LRP1: variants seen among roughly 807,000 people sequenced by gnomAD.
LRP1 encodes prolow-density lipoprotein receptor-related protein 1.
A neutral mutation model predicts 541.5 loss-of-function variants in LRP1; 51 were observed. The ratio of observed to expected loss-of-function variants is 0.09; its 90% CI spans 0.08 to 0.12. The LOEUF (loss-of-function observed/expected upper bound fraction) is 0.12. LRP1 is among the 10% of genes least tolerant of loss of function. LRP1 has a pLI of 1.00. For synonymous variants in LRP1, 2,219 were observed against 2,470.8 expected (o/e 0.90, Z 3.02); for missense variants, 3,878 against 6,376.2 (o/e 0.61, Z 13.34).
intron 20 of LRP1, among the ~76,000 whole-genome samples, chr12:57,170,166 G>A (rs1247236589): frequency 6.6e-6 from 1 of 152,146 alleles, no homozygotes; most frequent in African/African-American, 2.4e-5. Flanking sequence ...CCTCCCTGTG[G>A]GCATGTCTGT....
Position 57,211,072 on chromosome 12 carries a change from C to T in LRP1, c.12917-104C>T. The T allele has an allele frequency of 7.1e-7, 1 of 1,413,162 alleles. No individual in the cohort carries two copies. Among genetic ancestry groups the T allele is most frequent in the Non-Finnish European group, 9.7e-7 (1 of 1,027,550 alleles). 87.5% of individuals were successfully genotyped at this position (1,413,162 alleles called of 1,614,324 possible). A position where few individuals can be genotyped will look rare whatever the true frequency, so the allele number is the denominator to read the frequency against. On this transcript the variant is annotated intron_variant, in intron 83 of 88. Transcript: ENST00000243077. This position sits in a 1 kb window ranked among gnomAD's most constrained non-coding sequence, Gnocchi z 4.3. ...CTGGCACACTTCCCCTGAGGCAGTG[C>T]ACCCCCTGCACCAAGATTATGCAAA... is the stretch of plus-strand genomic sequence containing the variant.
chr12:57,196,825 A>G (rs1364012911), intron 55 of LRP1, among the ~76,000 whole-genome samples, 157 bp from the exon 56 acceptor site: 1 of 152,170 alleles, frequency 6.6e-6, no homozygotes, highest in Non-Finnish European at 1.5e-5. Flanking sequence ...ACACAGAAGG[A>G]GGCCTGCACT....
Position 57,187,349 on chromosome 12 carries a change from G to A in LRP1, c.6924G>A (p.Thr2308=), listed in dbSNP as rs202109092. 3.2e-5 allele frequency: 51 copies of A among 1,614,158 alleles called. No individual in the cohort carries two copies. Among genetic ancestry groups the A allele is most frequent in the Middle Eastern group, 1.6e-4 (1 of 6,062 alleles). Residue 2308 remains threonine (T), a synonymous_variant, in exon 42 of 89, where the codon ACG becomes ACA. Coordinates refer to ENST00000243077, the MANE Select transcript of LRP1 (RefSeq NM_002332.3). Reference sequence around the variant, plus strand: ...CAAGCTACACGACATCCACCATCACGCGCCACACAGTGGACCAGACCCGCC... The same window carrying A: ...CAAGCTACACGACATCCACCATCACACGCCACACAGTGGACCAGACCCGCC... ...YWTSYTTSTI[T]RHTVDQTRPG... is the part of the protein sequence containing the mutation.
chr12:57,176,236 G>T (rs190890678), intron 24 of LRP1, 130 bp downstream of exon 24: 12 of 849,172 alleles, frequency 1.4e-5, no homozygotes, highest in Admixed American at 8.3e-5. Flanking sequence ...CTGTTCATTG[G>T]GTTAGATTTT....
chr12:57,169,348 C>A (rs1313886837), intron 20 of LRP1, 41 bp downstream of exon 20: 3 of 1,547,976 alleles, frequency 1.9e-6, no homozygotes. Flanking sequence ...GAGATCGAGC[C>A]CCCTGCATCA....
In LRP1 at chr12:57,179,639, G is replaced by C. The variant is rs982900098; in HGVS notation, c.4966+83G>C. On this transcript the variant is annotated intron_variant, in intron 29 of 88. Transcript: ENST00000243077. The surrounding 1 kb of genome is among the most constrained non-coding windows in gnomAD (Gnocchi z 6.8). ...CTCCCAACCCTGGTCTACTTGGTCCGAGTGGTCCTTCTCCCAGTCCTGTTC... is the reference window on the plus strand; with the variant it reads ...CTCCCAACCCTGGTCTACTTGGTCCCAGTGGTCCTTCTCCCAGTCCTGTTC... The C allele has an allele frequency of 2.1e-6, 3 of 1,442,076 alleles. No individual in the cohort carries two copies. Among genetic ancestry groups the C allele is most frequent in the Non-Finnish European group, 2.9e-6 (3 of 1,035,198 alleles). 89.3% of individuals were successfully genotyped at this position (1,442,076 alleles called of 1,614,324 possible).
chr12:57,138,378 A>G, intron 1 of LRP1, 81 bp from the exon 2 acceptor site: 1 of 1,508,560 alleles, frequency 6.6e-7, no homozygotes, highest in Non-Finnish European at 9.1e-7. Flanking sequence ...CTAGGGAAGG[A>G]AGAGCAGTAC....
At chr12:57,200,581 A>G (rs1472747019) in intron 63 of LRP1, 46 bp downstream of exon 63, 1 of 1,573,496 alleles carries the variant, frequency 6.4e-7, no homozygotes, top group African/African-American at 1.3e-5. Flanking sequence ...GCTGTGTCGG[A>G]GGCCTGACTC....
rs1385525 is a variant in LRP1, at chr12:57,139,076, G to A, written c.190+495G>A. On this transcript the variant is annotated intron_variant, in intron 2 of 88. Transcript: ENST00000243077. The stretch of plus-strand genomic sequence containing the variant: ...CCTGCCCCCAGTAAGTGGTGTAATC[G>A]GAGGCAGCTGTTTTAACTGGGAGAA... 7.6e-3 allele frequency among the ~76,000 whole-genome samples: 1,159 copies of A among 152,160 alleles called. 18 individuals carry two copies. Among genetic ancestry groups the A allele is most frequent in the African/African-American group, 0.027 (1,104 of 41,486 alleles).
rs778176049 is a variant in LRP1, at chr12:57,201,014, ACCT to A, written c.10226-11_10226-9del. The A allele has an allele frequency of 7.4e-6, 12 of 1,613,200 alleles. No individual in the cohort carries two copies. The highest frequency in any genetic ancestry group is 3.3e-4 in the Middle Eastern group (2 of 6,082). On this transcript the variant is annotated splice_polypyrimidine_tract_variant and intron_variant, in intron 64 of 88. Transcript: ENST00000243077. This position sits in a 1 kb window ranked among gnomAD's most constrained non-coding sequence, Gnocchi z 6.4. The stretch of plus-strand genomic sequence containing the variant: ...CTGAGTCCTCCCTTCGCCACGAATC[ACCT>A]CCTCCTCCCTCCACAGACATCCACG...
At position 57,150,189 on chromosome 12, in the gene LRP1, C is replaced by CTTTT. The variant is rs769778868; in HGVS notation, c.842-4002_842-3999dup. 120 of 92,862 alleles carry CTTTT rather than the reference C, an allele frequency of 1.3e-3. 12 individuals are homozygous for CTTTT. The highest frequency in any genetic ancestry group is 4.2e-3 in the East Asian group (12 of 2,830). The allele number at this position is 92,862 out of a possible 1,614,324, so 5.8% of individuals were successfully genotyped here. A position where few individuals can be genotyped will look rare whatever the true frequency, so the allele number is the denominator to read the frequency against. ...GAGCCTGTAACAGGAAAACTTCCTT[C>CTTTT]TTTTTTTTTTTTTTTTTTTTGAGAT... On this transcript the variant is annotated intron_variant, in intron 6 of 88. Transcript: ENST00000243077.
chr12:57,205,786 A>G lies in LRP1; in HGVS notation c.11590+109A>G. The G allele has an allele frequency of 1.4e-6, 2 of 1,475,296 alleles. No homozygotes were observed. Among genetic ancestry groups the G allele is most frequent in the Non-Finnish European group, 1.8e-6 (2 of 1,098,230 alleles). The allele number at this position is 1,475,296 out of a possible 1,614,324, so 91.4% of individuals were successfully genotyped here. A position where few individuals can be genotyped will look rare whatever the true frequency, so the allele number is the denominator to read the frequency against. On this transcript the variant is annotated intron_variant, in intron 75 of 88. Coordinates refer to ENST00000243077, the MANE Select transcript of LRP1 (RefSeq NM_002332.3). The surrounding 1 kb of genome is among the most constrained non-coding windows in gnomAD (Gnocchi z 4.6). Reference sequence around the variant, plus strand: ...CTTCCTGCGGACATCTTGCCCAGACAAGAAGCCCCAGACTCATAGTTGCAG... The same window carrying G: ...CTTCCTGCGGACATCTTGCCCAGACGAGAAGCCCCAGACTCATAGTTGCAG...
Position 57,202,401 on chromosome 12 carries a change from C to G in LRP1, c.10595-20C>G, listed in dbSNP as rs1565752175. The G allele has an allele frequency of 6.3e-7, 1 of 1,582,828 alleles. No homozygotes were observed. Among genetic ancestry groups the G allele is most frequent in the Non-Finnish European group, 8.7e-7 (1 of 1,152,118 alleles). The stretch of plus-strand genomic sequence containing the variant: ...TGCCCCAGCCCTTTCCCTGACTGCC[C>G]TGACACTTGCCTCCTCCAGATGAAC... On this transcript the variant is annotated intron_variant, in intron 67 of 88. Transcript: ENST00000243077.
intron 1 of LRP1, among the ~76,000 whole-genome samples, chr12:57,131,494 C>G (rs911953279): frequency 6.6e-6 from 1 of 152,106 alleles, no homozygotes; most frequent in Admixed American, 6.5e-5. Flanking sequence ...TCCACACACC[C>G]CCTTGAGCCG....
chr12:57,129,179 C>A, intron 1 of LRP1, 148 bp downstream of exon 1: 1 of 842,236 alleles, frequency 1.2e-6, no homozygotes, highest in South Asian at 1.6e-5. Flanking sequence ...CGACTGGGGG[C>A]GGGGATGGGG....
Position 57,187,469 on chromosome 12 carries a change from C to T in LRP1, c.7031+13C>T. 1 of 1,608,816 alleles carries T rather than the reference C, an allele frequency of 6.2e-7. No homozygotes were observed. Among genetic ancestry groups the T allele is most frequent in the Non-Finnish European group, 8.5e-7 (1 of 1,177,112 alleles). ...ACGAGTGCCAGAAGTGAGCTGCTGC[C>T]TGGGGATGGGGGTAGCAGGGAGAGG... On this transcript the variant is annotated intron_variant, in intron 42 of 88. Coordinates refer to ENST00000243077, the MANE Select transcript of LRP1 (RefSeq NM_002332.3).
At position 57,153,406 on chromosome 12, in the gene LRP1, C is replaced by T. The variant is rs1389063143; in HGVS notation, c.842-802C>T. Among the ~76,000 whole-genome samples the T allele has an allele frequency of 2.0e-5, 3 of 152,168 alleles. No individual in the cohort carries two copies. The East Asian group carries it at 5.8e-4, about 29-fold the overall frequency. ...CTGAAACTGAGTCTAGGCAGCTGGG[C>T]TCCATCTCCTTCCCCCACTCCCATC... On this transcript the variant is annotated intron_variant, in intron 6 of 88. Transcript: ENST00000243077.
chr12:57,167,784 G>A (rs1195474731), intron 19 of LRP1, among the ~76,000 whole-genome samples: 3 of 152,236 alleles, frequency 2.0e-5, no homozygotes, highest in Non-Finnish European at 2.9e-5. Flanking sequence ...AGTAGGGCTC[G>A]GAGGCCAGGG....
In LRP1 at chr12:57,204,399, C is replaced by A; in HGVS notation, c.10952-11C>A. On this transcript the variant is annotated splice_polypyrimidine_tract_variant and intron_variant, in intron 70 of 88. Coordinates refer to ENST00000243077, the MANE Select transcript of LRP1 (RefSeq NM_002332.3). The surrounding 1 kb of genome is among the most constrained non-coding windows in gnomAD (Gnocchi z 5.3). ...TGGCTCATTCTATCTCTTGGCTCCC[C>A]CTGGCACCAGTGCGGACCTGCCCCC... 1.3e-6 allele frequency: 2 copies of A among 1,518,392 alleles called. No homozygotes were observed. The highest frequency in any genetic ancestry group is 1.8e-6 in the Non-Finnish European group (2 of 1,131,918). The allele number at this position is 1,518,392 out of a possible 1,614,324, so 94.1% of individuals were successfully genotyped here.
Sources: gnomAD v4.1 joint callset for allele counts (sites outside exome capture counted in the v4.1 genomes callset) on GRCh38, gnomAD v4.1.1 for gene constraint, Gnocchi (gnomAD v3.1) non-coding constraint, MANE v1.5 for transcripts, NCBI Gene and HGNC (gene_info 2026-07-23, HGNC 2026-07-21) for gene names.